Variants in ERBB4 observed in about 807,000 individuals in gnomAD.
ERBB4 encodes the protein erb-b2 receptor tyrosine kinase 4.
In ERBB4, 42 loss-of-function variants were observed where a neutral mutation model predicts 158.0. The ratio of observed to expected loss-of-function variants is 0.27; its 90% confidence interval spans 0.21 to 0.34. ERBB4 has a LOEUF of 0.34. Ranked by LOEUF, ERBB4 falls within the 10% of genes least tolerant of loss-of-function variation. ERBB4 has a pLI of 1.00. For synonymous variants in ERBB4, 583 were observed against 558.7 expected (o/e 1.04, Z -0.61); for missense variants, 1,333 against 1,624.1 (o/e 0.82, Z 3.08).
At chr2:212,046,575 C>G (rs571882277) in intron 2 of ERBB4, among the ~76,000 whole-genome samples, 4 of 152,130 alleles carry the variant, frequency 2.6e-5, no homozygotes, top group Non-Finnish European at 5.9e-5. Context: ...CATTTACCTT[C>G]GTATTCATCA....
intron 3 of ERBB4, among the ~76,000 whole-genome samples, chr2:211,814,548 G>C (rs1469353279): frequency 1.3e-5 from 2 of 151,862 alleles, no homozygotes; most frequent in East Asian, 3.9e-4. Flanking sequence ...AATACAACCA[G>C]GGCCCAAATT....
rs1050681868 is a variant in ERBB4, at chr2:212,384,372, C to A, written c.82+154077G>T. ...ACCCAGAGCACCAAATTACCCTTTT[C>A]AGTTAACCCCAGTTATTTTTCTCTC... On this transcript the variant is annotated intron_variant, in intron 1 of 27. Transcript: ENST00000342788. 1.5e-4 allele frequency among the ~76,000 whole-genome samples: 23 copies of A among 151,586 alleles called. No homozygotes were observed. The East Asian group carries it at 2.3e-3, about 15-fold the overall frequency.
intron 1 of ERBB4, among the ~76,000 whole-genome samples, chr2:212,450,654 T>C (rs1444405645): frequency 6.6e-6 from 1 of 152,162 alleles, no homozygotes; most frequent in African/African-American, 2.4e-5. Context: ...TGAGCCACTA[T>C]GTTCTTAGTA....
At chr2:211,795,661 C>A (rs1226533351) in intron 3 of ERBB4, among the ~76,000 whole-genome samples, 4 of 151,614 alleles carry the variant, frequency 2.6e-5, no homozygotes, top group East Asian at 1.9e-4. Context: ...CTGGCAAAAA[C>A]CATGCAAAAG....
chr2:211,719,519 C>T (rs1026988550), intron 7 of ERBB4, among the ~76,000 whole-genome samples: 1 of 152,098 alleles, frequency 6.6e-6, no homozygotes, highest in Non-Finnish European at 1.5e-5. Flanking sequence ...GAAAACCTTC[C>T]CACACCCAGG....
intron 1 of ERBB4, among the ~76,000 whole-genome samples, chr2:212,136,635 A>C (rs897520837): frequency 2.0e-5 from 3 of 152,202 alleles, no homozygotes; most frequent in African/African-American, 7.2e-5. Flanking sequence ...CTAGTACATG[A>C]GTATGCTTGC....
chr2:212,424,678 A>C (rs910359908), intron 1 of ERBB4, among the ~76,000 whole-genome samples: 1 of 152,080 alleles, frequency 6.6e-6, no homozygotes, highest in Non-Finnish European at 1.5e-5. Flanking sequence ...AATCAGATAA[A>C]ACTAGATTAC....
intron 1 of ERBB4, among the ~76,000 whole-genome samples, chr2:212,273,189 C>G (rs2085405496): frequency 6.6e-6 from 1 of 151,678 alleles, no homozygotes; most frequent in Admixed American, 6.6e-5. Flanking sequence ...ATTAAAGTAA[C>G]ATGAGAACAT....
intron 3 of ERBB4, among the ~76,000 whole-genome samples, chr2:211,825,165 G>A (rs567832139): frequency 6.6e-6 from 1 of 151,726 alleles, no homozygotes; most frequent in East Asian, 1.9e-4. Flanking sequence ...TTTTTCAGTA[G>A]AATAAGTCTG....
chr2:211,632,447 T>C (rs1018141428), intron 16 of ERBB4, among the ~76,000 whole-genome samples: 1 of 152,086 alleles, frequency 6.6e-6, no homozygotes, highest in South Asian at 2.1e-4. Flanking sequence ...TATTTATGTA[T>C]AATTGAGACT....
intron 2 of ERBB4, among the ~76,000 whole-genome samples, chr2:212,112,432 C>T (rs944324749): frequency 6.6e-6 from 1 of 151,588 alleles, no homozygotes; most frequent in African/African-American, 2.4e-5. Flanking sequence ...AATCTAGTTC[C>T]GAAATTTTTA....
intron 16 of ERBB4, among the ~76,000 whole-genome samples, chr2:211,642,969 T>C (rs943685983): frequency 6.6e-6 from 1 of 152,102 alleles, no homozygotes; most frequent in Admixed American, 6.6e-5. Flanking sequence ...ATTGGTAAAA[T>C]AATATTTTCT....
rs114524688 is a variant in ERBB4, at chr2:211,790,343, A to G, written c.422-2184T>C. On this transcript the variant is annotated intron_variant, in intron 3 of 27. Coordinates refer to ENST00000342788, the MANE Select transcript of ERBB4 (RefSeq NM_005235.3). ...TTAAAAAAAAAAGTGAAAAGGTAAT[A>G]GCTCAAACATTGCAGAAAGAGTGTA... Among the ~76,000 whole-genome samples the G allele has an allele frequency of 2.4e-3, 363 of 152,240 alleles. 3 individuals carry two copies. The highest frequency in any genetic ancestry group is 8.6e-3 in the African/African-American group (357 of 41,572).
At chr2:211,670,363 G>A (rs1005672155) in intron 14 of ERBB4, among the ~76,000 whole-genome samples, 3 of 152,148 alleles carry the variant, frequency 2.0e-5, no homozygotes, top group African/African-American at 7.2e-5. Context: ...TACCTGCTTA[G>A]CATTCAAAGA....
At position 211,561,768 on chromosome 2, in the gene ERBB4, T is replaced by C. The variant is rs979255337; in HGVS notation, c.2487+135A>G. ...TTTACCTAAAAGTACCTCTCTGTTA[T>C]GTATCTTTCATTGCAGCAAATATAC... On this transcript the variant is annotated intron_variant, in intron 20 of 27. Transcript: ENST00000342788. 13 of 781,464 alleles carry C rather than the reference T, an allele frequency of 1.7e-5. No individual in the cohort carries two copies. In the African/African-American group the frequency reaches 1.7e-4, roughly 10 times the overall value. The allele number at this position is 781,464 out of a possible 1,614,324, so 48.4% of individuals were successfully genotyped here.
intron 3 of ERBB4, among the ~76,000 whole-genome samples, chr2:211,936,159 G>T (rs897032326): frequency 2.1e-4 from 32 of 150,952 alleles, no homozygotes; most frequent in Admixed American, 4.6e-4. Context: ...GAGAATTCAG[G>T]GCACCATCAA....
chr2:211,586,224 A>G (rs577650027), intron 19 of ERBB4, among the ~76,000 whole-genome samples: 1 of 152,286 alleles, frequency 6.6e-6, no homozygotes, highest in East Asian at 1.9e-4. Context: ...ACATATCACC[A>G]TAACACACCA....
intron 1 of ERBB4, among the ~76,000 whole-genome samples, chr2:212,393,939 G>A (rs1232028274): frequency 6.6e-6 from 1 of 152,122 alleles, no homozygotes; most frequent in East Asian, 1.9e-4. Context: ...GTTGGAGACT[G>A]TTAAGTAAGG....
intron 25 of ERBB4, among the ~76,000 whole-genome samples, chr2:211,398,568 C>A (rs1266721141): frequency 2.6e-5 from 4 of 152,098 alleles, no homozygotes; most frequent in Non-Finnish European, 4.4e-5. Flanking sequence ...GACCTCTAGG[C>A]AAGGTGGCTC....
Sources: allele counts gnomAD v4.1 joint callset (sites outside exome capture counted in the v4.1 genomes callset), GRCh38; gene constraint gnomAD v4.1.1; transcripts MANE v1.5; gene names NCBI Gene and HGNC (gene_info 2026-07-23, HGNC 2026-07-21).